Variants in LUZP2 observed in about 807,000 individuals in gnomAD.
The protein encoded by LUZP2 is leucine zipper protein 2.
A neutral mutation model predicts 51.6 loss-of-function variants in LUZP2; 52 were observed. That is an observed-to-expected ratio of 1.01 (90% CI 0.81 to 1.27). The LOEUF is 1.27. Among genes scored for constraint, LUZP2 ranks in the 50% most tolerant of loss-of-function variants. The pLI, the probability that LUZP2 is intolerant of heterozygous loss-of-function variation, is 0.00. For missense variants in LUZP2, 436 were observed against 395.4 expected (o/e 1.10, Z -0.87); for synonymous variants, 154 against 137.3 (o/e 1.12, Z -0.85).
intron 5 of LUZP2, among the ~76,000 whole-genome samples, chr11:24,884,894 G>T (rs540393569): frequency 6.6e-6 from 1 of 152,124 alleles, no homozygotes; most frequent in South Asian, 2.1e-4. Context: ...ATGTTGACAG[G>T]AATATGAGTA....
chr11:24,681,468 T>C (rs1017504150), intron 1 of LUZP2, among the ~76,000 whole-genome samples: 12 of 152,208 alleles, frequency 7.9e-5, no homozygotes, highest in African/African-American at 2.9e-4. Flanking sequence ...TTATGGCTCC[T>C]ATAGTTTCTA....
chr11:24,906,976 T>C (rs1403987525), intron 6 of LUZP2, among the ~76,000 whole-genome samples: 1 of 152,184 alleles, frequency 6.6e-6, no homozygotes, highest in Non-Finnish European at 1.5e-5. Context: ...GAAGAGTTTC[T>C]AAAACAGCTC....
intron 5 of LUZP2, among the ~76,000 whole-genome samples, chr11:24,815,384 A>G (rs1200142938): frequency 6.6e-6 from 1 of 152,246 alleles, no homozygotes; most frequent in Non-Finnish European, 1.5e-5. Context: ...ATCTCAAATG[A>G]TAATCAAAAG....
chr11:24,801,429 C>T (rs965109670), intron 5 of LUZP2, among the ~76,000 whole-genome samples: 1 of 151,752 alleles, frequency 6.6e-6, no homozygotes, highest in African/African-American at 2.4e-5. Context: ...TGGAGGAAAT[C>T]GTGTTAACCA....
intron 9 of LUZP2, among the ~76,000 whole-genome samples, chr11:25,018,382 A>C (rs1857227351): frequency 6.6e-6 from 1 of 151,938 alleles, no homozygotes. Flanking sequence ...TTCAGCCTAC[A>C]CTCAAGGGAA....
At chr11:24,920,114 A>T (rs979140921) in intron 7 of LUZP2, among the ~76,000 whole-genome samples, 1 of 151,850 alleles carries the variant, frequency 6.6e-6, no homozygotes, top group African/African-American at 2.4e-5. Context: ...GGGGTAAATT[A>T]AAAACAATGT....
At chr11:24,939,871 A>G (rs1283482234) in intron 7 of LUZP2, among the ~76,000 whole-genome samples, 3 of 152,118 alleles carry the variant, frequency 2.0e-5, no homozygotes, top group Admixed American at 1.3e-4. Flanking sequence ...GCTTGTAAAT[A>G]TGGACATCAC....
intron 5 of LUZP2, among the ~76,000 whole-genome samples, chr11:24,816,554 C>G (rs1289372620): frequency 6.6e-6 from 1 of 151,836 alleles, no homozygotes. Flanking sequence ...AATATATAAC[C>G]TTGACCCAGT....
intron 1 of LUZP2, among the ~76,000 whole-genome samples, chr11:24,682,389 G>A (rs1340115888): frequency 6.6e-6 from 1 of 151,580 alleles, no homozygotes; most frequent in Non-Finnish European, 1.5e-5. Context: ...TAGCTACTCG[G>A]GAGGCTGAGG....
At chr11:24,537,163 T>C (rs888421084) in intron 1 of LUZP2, among the ~76,000 whole-genome samples, 2 of 151,884 alleles carry the variant, frequency 1.3e-5, no homozygotes, top group South Asian at 4.1e-4. Flanking sequence ...TGAATAAGTT[T>C]GAAATATTGT....
chr11:24,855,979 TA>T (rs1291229705), intron 5 of LUZP2, among the ~76,000 whole-genome samples: 2 of 152,094 alleles, frequency 1.3e-5, no homozygotes, highest in East Asian at 3.8e-4. Context: ...GACTTAAATG[TA>T]AAACCTGTAA....
At chr11:24,819,436 C>G (rs778357562) in intron 5 of LUZP2, among the ~76,000 whole-genome samples, 6 of 152,170 alleles carry the variant, frequency 3.9e-5, no homozygotes, top group African/African-American at 1.4e-4. Context: ...CCTCAAATAT[C>G]CACATTATAT....
rs187552898 is a variant in LUZP2, at chr11:24,981,029, T to A, written c.598-2097T>A. ...CAAGACTGGCTGTACATGGTTTACA[T>A]CATATTTCATTAGGTGACAGCTTGT... is the stretch of plus-strand genomic sequence containing the variant. On this transcript the variant is annotated intron_variant, in intron 8 of 11. Transcript: ENST00000336930. 2.9e-3 allele frequency among the ~76,000 whole-genome samples: 440 copies of A among 152,018 alleles called. 3 individuals are homozygous for A. The highest frequency in any genetic ancestry group is 1.0e-2 in the African/African-American group (414 of 41,530).
chr11:24,789,966 C>G (rs1044562501), intron 5 of LUZP2, among the ~76,000 whole-genome samples: 3 of 152,192 alleles, frequency 2.0e-5, no homozygotes, highest in Admixed American at 1.3e-4. Flanking sequence ...CCCATTTACT[C>G]TGCTTTCTCA....
At chr11:24,540,186 T>C (rs940222209) in intron 1 of LUZP2, among the ~76,000 whole-genome samples, 5 of 152,122 alleles carry the variant, frequency 3.3e-5, no homozygotes, top group African/African-American at 1.2e-4. Context: ...ACAAAACTAA[T>C]TAAACCATGT....
intron 1 of LUZP2, among the ~76,000 whole-genome samples, chr11:24,651,782 T>C (rs2133963805): frequency 6.6e-6 from 1 of 152,184 alleles, no homozygotes; most frequent in East Asian, 1.9e-4. Flanking sequence ...CCTCCTCCAA[T>C]CAGTTGAAGG....
chr11:24,753,073 CAAAAT>C (rs1310888264), intron 4 of LUZP2, among the ~76,000 whole-genome samples: 5 of 151,828 alleles, frequency 3.3e-5, no homozygotes, highest in African/African-American at 1.2e-4. Flanking sequence ...TACTCGCAAA[CAAAAT>C]AAAATAAAGT....
At chr11:24,593,027 C>A (rs1590217183) in intron 1 of LUZP2, among the ~76,000 whole-genome samples, 1 of 152,026 alleles carries the variant, frequency 6.6e-6, no homozygotes, top group East Asian at 1.9e-4. Context: ...CACCTCGATT[C>A]TTTCTTTCCC....
At chr11:24,601,887 T>C (rs1316302044) in intron 1 of LUZP2, among the ~76,000 whole-genome samples, 2 of 32,020 alleles carry the variant, frequency 6.2e-5, no homozygotes, top group South Asian at 1.4e-3. Context: ...CATGTATATA[T>C]GTATATATGT....
Sources: gnomAD v4.1 joint callset for allele counts (sites outside exome capture counted in the v4.1 genomes callset) on GRCh38, gnomAD v4.1.1 for gene constraint, MANE v1.5 for transcripts, NCBI Gene and HGNC (gene_info 2026-07-23, HGNC 2026-07-21) for gene names.